Variants in CLK3 observed in about 807,000 individuals in gnomAD.
CLK3 encodes CDC like kinase 3, also known as dual specificity protein kinase CLK3.
CLK3 carries 24 observed loss-of-function variants against 65.2 expected under a neutral mutation model. That is an observed-to-expected ratio of 0.37 (90% CI 0.27 to 0.52). The LOEUF (loss-of-function observed/expected upper bound fraction) is 0.52, where lower values mean the gene tolerates loss of function less well. CLK3 is among the 20% of genes least tolerant of loss of function. CLK3 has a pLI of 0.92. For synonymous variants in CLK3, 252 were observed against 240.8 expected, an observed-to-expected ratio of 1.05 and a Z score of -0.43; for missense variants, 506 against 660.0, an observed-to-expected ratio of 0.77 and a Z score of 2.56.
chr15:74,610,855 A>G (rs535005498), upstream of CLK3, among the ~76,000 whole-genome samples: 2 of 152,352 alleles, frequency 1.3e-5, no homozygotes, highest in South Asian at 4.1e-4. Flanking sequence ...GCTAAGACAC[A>G]GAGTCACTGA....
At chr15:74,615,369 T>A (rs1596284167), upstream of CLK3, 1 of 1,169,110 alleles carries the variant, frequency 8.6e-7, no homozygotes, top group East Asian at 3.2e-5. Context: ...TTCGCTCGTT[T>A]CGCGCAAGCG....
At position 74,627,586 on chromosome 15, in the gene CLK3, C is replaced by T; in HGVS notation, c.960C>T (p.Asp320=). 1 of 1,614,186 alleles carries T rather than the reference C, an allele frequency of 6.2e-7. No individual in the cohort carries two copies. Among genetic ancestry groups the T allele is most frequent in the South Asian group, 1.1e-5 (1 of 91,082 alleles). Residue 320 remains aspartate, a synonymous_variant, in exon 9 of 13, where the codon GAC becomes GAT. Coordinates refer to ENST00000395066, the MANE Select transcript of CLK3 (RefSeq NM_001130028.2). This position sits in a 1 kb window ranked among gnomAD's most constrained non-coding sequence, Gnocchi z 4.3. ...SVKNTSIRVA[D]FGSATFDHEH... ...AGAACACCAGCATCCGAGTGGCTGA[C>T]TTTGGCAGTGCCACATTTGACCATG...
chr15:74,611,425 A>C (rs994498320), upstream of CLK3, among the ~76,000 whole-genome samples: 1 of 152,092 alleles, frequency 6.6e-6, no homozygotes, highest in Non-Finnish European at 1.5e-5. Flanking sequence ...TGCTTTAGGG[A>C]CCAGCCAAGT....
chr15:74,615,590 C>T (rs897357375), upstream of CLK3: 24 of 1,263,676 alleles, frequency 1.9e-5, no homozygotes, highest in African/African-American at 2.8e-4. Flanking sequence ...GGCCGCGCAC[C>T]TGTCAGGTCG....
intron 7 of CLK3, among the ~76,000 whole-genome samples, chr15:74,626,505 G>A (rs150506545): frequency 2.0e-5 from 3 of 152,338 alleles, no homozygotes; most frequent in African/African-American, 7.2e-5. Context: ...ACCCCGCATC[G>A]CTCCCCTACC....
rs1315486235 is a variant in CLK3 at position 74,622,650 on chromosome 15, GCTTAA to G, written c.533+94_533+98del. 1.9e-6 allele frequency: 2 copies of G among 1,045,456 alleles called. No homozygotes were observed. Among genetic ancestry groups the G allele is most frequent in the African/African-American group, 3.2e-5 (2 of 62,194 alleles). The allele number at this position is 1,045,456 out of a possible 1,614,324, so 64.8% of individuals were successfully genotyped here. A position where few individuals can be genotyped will look rare whatever the true frequency, so the allele number is the denominator to read the frequency against. On this transcript the variant is annotated intron_variant, in intron 5 of 12. Coordinates refer to ENST00000395066, the MANE Select transcript of CLK3 (RefSeq NM_001130028.2). This position sits in a 1 kb window ranked among gnomAD's most constrained non-coding sequence, Gnocchi z 4.6. ...GTTCTTGAGGGTGGCAGCTATCAGA[GCTTAA>G]CTTTTTTCTTTTTGAAGGGTGGCAT...
chr15:74,615,361 C>G, upstream of CLK3: 2 of 1,118,064 alleles, frequency 1.8e-6, no homozygotes, highest in South Asian at 3.9e-5. Context: ...ATGTGTCGTT[C>G]GCTCGTTTCG....
At position 74,622,146 on chromosome 15, in the gene CLK3, C is replaced by A; in HGVS notation, c.396C>A (p.Ser132Arg). 1 of 1,614,184 alleles carries A rather than the reference C, an allele frequency of 6.2e-7. No homozygotes were observed. The highest frequency in any genetic ancestry group is 8.5e-7 in the Non-Finnish European group (1 of 1,180,022). ...GAAGCCAACAGAGCAGTAAGCGCAGCAGCCGGAGTGTGGAAGATGACAAGG... is the reference window on the plus strand; with the variant it reads ...GAAGCCAACAGAGCAGTAAGCGCAGAAGCCGGAGTGTGGAAGATGACAAGG... ...SSRSQQSSKR[S>R]SRSVEDDKEG... Residue 132 changes from serine (S) to arginine (R), a missense_variant, in exon 4 of 13, where the codon AGC (serine) becomes AGA (arginine). Coordinates refer to ENST00000395066, the MANE Select transcript of CLK3 (RefSeq NM_001130028.2). The surrounding 1 kb of genome is among the most constrained non-coding windows in gnomAD (Gnocchi z 4.6).
At chr15:74,615,542 G>A, upstream of CLK3, 1 of 1,282,790 alleles carries the variant, frequency 7.8e-7, no homozygotes, top group African/African-American at 1.5e-5. Context: ...GGCCAGGTCG[G>A]GGCCCCACCT....
Position 74,629,019 on chromosome 15 carries a change from G to A in CLK3, c.1283G>A (p.Cys428Tyr). 1 of 1,612,942 alleles carries A rather than the reference G, an allele frequency of 6.2e-7. No individual in the cohort carries two copies. Among genetic ancestry groups the A allele is most frequent in the Non-Finnish European group, 8.5e-7 (1 of 1,178,890 alleles). ...GACGGCCGGTATGTGAAGGAGAACT[G>A]CAAACCTCTGAAGGTCAGTTTCTGG... Reference protein sequence around the residue: ...SSDGRYVKENCKPLKSYMLQD... With the variant: ...SSDGRYVKENYKPLKSYMLQD... The change falls in exon 12 of 13, where the codon TGC (cysteine) becomes TAC (tyrosine). Residue 428 changes from cysteine to tyrosine, a missense_variant. This residue lies in a region of CLK3 where 325 missense variants were observed against 500.5 expected (regional missense o/e 0.65). Coordinates refer to ENST00000395066, the MANE Select transcript of CLK3 (RefSeq NM_001130028.2).
At position 74,622,899 on chromosome 15, in the gene CLK3, A is replaced by T. The variant is rs1483568635; in HGVS notation, c.533+339A>T. 6.6e-6 allele frequency among the ~76,000 whole-genome samples: 1 copy of T among 152,132 alleles called. No homozygotes were observed. Among genetic ancestry groups the T allele is most frequent in the African/African-American group, 2.4e-5 (1 of 41,414 alleles). On this transcript the variant is annotated intron_variant, in intron 5 of 12. Transcript: ENST00000395066. This position sits in a 1 kb window ranked among gnomAD's most constrained non-coding sequence, Gnocchi z 4.6. ...CTGTGGCTTGGAGCTGCTTCCTGTG[A>T]TAACTTTTAGGTTCTTGGCTTAGCA...
chr15:74,628,404 C>T (rs2062160824), intron 10 of CLK3, among the ~76,000 whole-genome samples, 200 bp from the exon 11 acceptor site: 1 of 152,060 alleles, frequency 6.6e-6, no homozygotes. Context: ...GAAATGTAGT[C>T]ACAGCCCAGT....
intron 1 of CLK3, among the ~76,000 whole-genome samples, chr15:74,609,513 C>A (rs1193201456): frequency 6.6e-6 from 1 of 152,264 alleles, no homozygotes; most frequent in Non-Finnish European, 1.5e-5. Context: ...CTTGCCTCTG[C>A]CCCCTGGTAC....
chr15:74,615,884 G>A lies in CLK3; in HGVS notation c.-15G>A. 5 of 1,253,514 alleles carry A rather than the reference G, an allele frequency of 4.0e-6. No individual in the cohort carries two copies. The highest frequency in any genetic ancestry group is 5.0e-6 in the Non-Finnish European group (5 of 999,126). 77.6% of individuals were successfully genotyped at this position (1,253,514 alleles called of 1,614,324 possible). On this transcript the variant is annotated 5_prime_UTR_variant, in exon 1 of 13. Transcript: ENST00000395066. ...CGGGGAGTGGGGCCTAGCTGCAGCCGGAGCCTGGGAGACGGTAAGTGTGGG... is the reference window on the plus strand; with the variant it reads ...CGGGGAGTGGGGCCTAGCTGCAGCCAGAGCCTGGGAGACGGTAAGTGTGGG...
chr15:74,629,010 A>C lies in CLK3; in HGVS notation c.1274A>C (p.Lys425Thr). The part of the protein sequence containing the change: ...DENSSDGRYV[K>T]ENCKPLKSYM... ...AACAGCTCTGACGGCCGGTATGTGA[A>C]GGAGAACTGCAAACCTCTGAAGGTC... Residue 425 changes from lysine to threonine, a missense_variant, in exon 12 of 13, where the codon AAG (lysine) becomes ACG (threonine). Lys to Thr is a moderately conservative substitution (Grantham distance 78, BLOSUM62 -1). Around this residue, in one of 2 missense-constraint regions of CLK3, gnomAD observed 325 missense variants for 500.5 expected, o/e 0.65. Coordinates refer to ENST00000395066, the MANE Select transcript of CLK3 (RefSeq NM_001130028.2). 1 of 1,613,758 alleles carries C rather than the reference A, an allele frequency of 6.2e-7. No individual in the cohort carries two copies. Among genetic ancestry groups the C allele is most frequent in the Non-Finnish European group, 8.5e-7 (1 of 1,179,622 alleles).
chr15:74,629,866 C>T lies in CLK3; in HGVS notation c.1456C>T (p.Arg486Cys), dbSNP rs975796055. ...TPEERSFHTS[R>C]NPSR Reference sequence around the variant, plus strand: ...TGAGGAGCGGTCCTTCCACACCAGCCGCAACCCAAGCAGATGACAGGCACA... The same window carrying T: ...TGAGGAGCGGTCCTTCCACACCAGCTGCAACCCAAGCAGATGACAGGCACA... The change falls in exon 13 of 13, where the codon CGC (arginine) becomes TGC (cysteine). Residue 486 changes from arginine to cysteine, a missense_variant. Arg to Cys is a radical substitution (Grantham distance 180). This residue lies in a region of CLK3 where 325 missense variants were observed against 500.5 expected (regional missense o/e 0.65). Transcript: ENST00000395066. The T allele has an allele frequency of 3.1e-6, 5 of 1,609,766 alleles. No individual in the cohort carries two copies. Among genetic ancestry groups the T allele is most frequent in the African/African-American group, 1.3e-5 (1 of 74,804 alleles).
intron 1 of CLK3, among the ~76,000 whole-genome samples, chr15:74,618,779 T>G (rs1374105759): frequency 6.6e-6 from 1 of 152,206 alleles, no homozygotes; most frequent in African/African-American, 2.4e-5. Context: ...GGCCTTTGGC[T>G]TTACAGAGCA....
At chr15:74,623,185 C>T (rs2062117122) in intron 5 of CLK3, among the ~76,000 whole-genome samples, 1 of 152,216 alleles carries the variant, frequency 6.6e-6, no homozygotes, top group African/African-American at 2.4e-5. Context: ...TTCCCCTTAC[C>T]ATTCCACAAG....
At chr15:74,619,841 C>T (rs959016606) in intron 2 of CLK3, 168 bp from the exon 3 acceptor site, 13 of 1,066,740 alleles carry the variant, frequency 1.2e-5, no homozygotes, top group South Asian at 1.6e-5. Flanking sequence ...CTCTGGAGGG[C>T]GGGCTTAGTA....
Sources: allele counts gnomAD v4.1 joint callset (sites outside exome capture counted in the v4.1 genomes callset), GRCh38; gene constraint gnomAD v4.1.1; regional missense constraint gnomAD v4.1.1; non-coding constraint Gnocchi (gnomAD v3.1); transcripts MANE v1.5; gene names NCBI Gene and HGNC (gene_info 2026-07-23, HGNC 2026-07-21).